Variants in CYP2C19 observed in about 807,000 individuals in gnomAD.
The protein encoded by CYP2C19 is cytochrome P450 family 2 subfamily C member 19.
In CYP2C19, 59 loss-of-function variants were observed where a neutral mutation model predicts 40.9. The ratio of observed to expected loss-of-function variants is 1.44; its 90% CI spans 1.17 to 1.79. The LOEUF (loss-of-function observed/expected upper bound fraction) is 1.79. CYP2C19 is among the 40% of genes most tolerant of loss of function. CYP2C19 has a pLI of 0.00. For missense variants in CYP2C19, 754 were observed against 596.9 expected (o/e 1.26, Z -2.74); for synonymous variants, 253 against 208.7 (o/e 1.21, Z -1.83).
chr10:94,843,103 T>G (rs1849521241), intron 7 of CYP2C19, 79 bp downstream of exon 7: 1 of 1,546,100 alleles, frequency 6.5e-7, no homozygotes. Context: ...CCCTCTACCA[T>G]CACTGGGTGA....
At chr10:94,799,416 C>G (rs1848734106) in intron 5 of CYP2C19, among the ~76,000 whole-genome samples, 1 of 152,166 alleles carries the variant, frequency 6.6e-6, no homozygotes, top group Admixed American at 6.5e-5. Flanking sequence ...CCTGAGATTT[C>G]TCTCTGCTGC....
chr10:94,810,766 A>T, intron 5 of CYP2C19, among the ~76,000 whole-genome samples: 1 of 151,546 alleles, frequency 6.6e-6, no homozygotes, highest in East Asian at 1.9e-4. Context: ...TCTCTATTTG[A>T]TTCTTCTTTC....
At chr10:94,829,687 G>T (rs373878033) in intron 6 of CYP2C19, among the ~76,000 whole-genome samples, 4 of 151,952 alleles carry the variant, frequency 2.6e-5, no homozygotes, top group African/African-American at 9.7e-5. Flanking sequence ...GCTTTGTTCC[G>T]TTGCTGGTGA....
chr10:94,763,073 T>G (rs970474037), intron 1 of CYP2C19, among the ~76,000 whole-genome samples, 200 bp downstream of exon 1: 1 of 152,176 alleles, frequency 6.6e-6, no homozygotes, highest in African/African-American at 2.4e-5. Context: ...AGAGAAAGAT[T>G]TAGGTCTTTG....
intron 5 of CYP2C19, among the ~76,000 whole-genome samples, chr10:94,803,296 G>A (rs1427080656): frequency 1.6e-4 from 25 of 152,048 alleles, no homozygotes; most frequent in Admixed American, 1.6e-3. Context: ...TATAAAGTAT[G>A]TTGGGTAGGG....
At chr10:94,808,153 C>A (rs769330089) in intron 5 of CYP2C19, among the ~76,000 whole-genome samples, 25 of 152,086 alleles carry the variant, frequency 1.6e-4, no homozygotes, top group Non-Finnish European at 3.1e-4. Flanking sequence ...GTTCTTGGTG[C>A]CTTGTCAATA....
rs1456071308 is a variant in CYP2C19, at chr10:94,854,312, C to G, written c.*1398C>G. Among the ~76,000 whole-genome samples, 1 of 152,152 alleles carries G rather than the reference C, an allele frequency of 6.6e-6. No individual in the cohort carries two copies. The highest frequency in any genetic ancestry group is 1.5e-5 in the Non-Finnish European group (1 of 68,038). On this transcript the variant is annotated 3_prime_UTR_variant, in exon 9 of 9. Coordinates refer to ENST00000371321, the MANE Select transcript of CYP2C19 (RefSeq NM_000769.4). ...GGGCTTACAGGCGTGAGCCACTGCA[C>G]CTGGCTGAACAAAATTTCTAAGAAG...
At chr10:94,813,165 C>T (rs1444177058) in intron 5 of CYP2C19, among the ~76,000 whole-genome samples, 2 of 152,066 alleles carry the variant, frequency 1.3e-5, no homozygotes, top group Non-Finnish European at 2.9e-5. Context: ...AGGTCCACTC[C>T]AAACCTTGTT....
chr10:94,850,685 A>C (rs1280421690), intron 8 of CYP2C19, among the ~76,000 whole-genome samples: 1 of 152,214 alleles, frequency 6.6e-6, no homozygotes. Context: ...TTTAAGCTAC[A>C]TCAAAGGAGT....
chr10:94,764,631 T>C (rs977650750), intron 1 of CYP2C19, among the ~76,000 whole-genome samples: 1 of 152,064 alleles, frequency 6.6e-6, no homozygotes, highest in African/African-American at 2.4e-5. Flanking sequence ...GCAGTTGTAG[T>C]GTCCTCCGGA....
At chr10:94,771,506 G>A (rs1848330355) in intron 1 of CYP2C19, among the ~76,000 whole-genome samples, 1 of 152,048 alleles carries the variant, frequency 6.6e-6, no homozygotes, top group Admixed American at 6.5e-5. Flanking sequence ...CCCTCAGTTG[G>A]CCATTTTTCC....
At position 94,762,775 on chromosome 10, in the gene CYP2C19, T is replaced by C; in HGVS notation, c.70T>C (p.Ser24Pro). 6.2e-7 allele frequency: 1 copy of C among 1,613,950 alleles called. No individual in the cohort carries two copies. Among genetic ancestry groups the C allele is most frequent in the African/African-American group, 1.3e-5 (1 of 75,032 alleles). Residue 24 changes from serine to proline, a missense_variant, in exon 1 of 9, where the codon TCT becomes CCT. Transcript: ENST00000371321. ...TCTCCTTTCAATCTGGAGACAGAGC[T>C]CTGGGAGAGGAAAACTCCCTCCTGG... is the stretch of plus-strand genomic sequence containing the variant. ...LLLLSIWRQS[S>P]GRGKLPPGPT...
At chr10:94,798,892 G>A (rs1848726728) in intron 5 of CYP2C19, among the ~76,000 whole-genome samples, 1 of 100,302 alleles carries the variant, frequency 1.0e-5, no homozygotes, top group Non-Finnish European at 1.9e-5. Flanking sequence ...GAGCCTATTT[G>A]TGTCTCTGCA....
intron 5 of CYP2C19, among the ~76,000 whole-genome samples, chr10:94,804,275 C>T (rs565970080): frequency 8.5e-5 from 13 of 152,288 alleles, no homozygotes; most frequent in African/African-American, 2.9e-4. Flanking sequence ...TAGCAGCTCT[C>T]CTTCCATCCC....
chr10:94,812,129 T>G (rs1019507881), intron 5 of CYP2C19, among the ~76,000 whole-genome samples: 3 of 152,200 alleles, frequency 2.0e-5, no homozygotes, highest in African/African-American at 7.2e-5. Flanking sequence ...CTCCTTTGCC[T>G]ATGAAGCTTA....
chr10:94,796,101 A>G (rs1291204010), intron 5 of CYP2C19, among the ~76,000 whole-genome samples: 1 of 152,094 alleles, frequency 6.6e-6, no homozygotes, highest in Non-Finnish European at 1.5e-5. Flanking sequence ...GGTATTGCCT[A>G]GGTTTTCTTC....
chr10:94,771,437 A>T (rs1419638617), intron 1 of CYP2C19, among the ~76,000 whole-genome samples: 2 of 152,140 alleles, frequency 1.3e-5, no homozygotes, highest in Non-Finnish European at 2.9e-5. Context: ...ATTTCACTCC[A>T]TTTGGCTTTC....
rs756681183 is a variant in CYP2C19 at position 94,781,940 on chromosome 10, G to T, written c.762G>T (p.Ser254=). ...ILEKVKEHQE[S]MDINNPRDFI... ...AGAAAGTAAAAGAACACCAAGAATCGATGGACATCAACAACCCTCGGGACT... is the reference window on the plus strand; with the variant it reads ...AGAAAGTAAAAGAACACCAAGAATCTATGGACATCAACAACCCTCGGGACT... The change falls in exon 5 of 9, where the codon TCG becomes TCT. Residue 254 remains serine, a synonymous_variant. Coordinates refer to ENST00000371321, the MANE Select transcript of CYP2C19 (RefSeq NM_000769.4). 9 of 1,512,302 alleles carry T rather than the reference G, an allele frequency of 6.0e-6. No homozygotes were observed. Among genetic ancestry groups the T allele is most frequent in the Non-Finnish European group, 7.9e-6 (9 of 1,141,588 alleles). The allele number at this position is 1,512,302 out of a possible 1,614,324, so 93.7% of individuals were successfully genotyped here.
intron 5 of CYP2C19, among the ~76,000 whole-genome samples, chr10:94,790,270 A>G (rs1429776948): frequency 6.6e-6 from 1 of 152,152 alleles, no homozygotes; most frequent in African/African-American, 2.4e-5. Flanking sequence ...TTTCCTAAAT[A>G]TAAAATCATG....
Sources: allele counts gnomAD v4.1 joint callset (sites outside exome capture counted in the v4.1 genomes callset), GRCh38; gene constraint gnomAD v4.1.1; transcripts MANE v1.5; gene names NCBI Gene and HGNC (gene_info 2026-07-23, HGNC 2026-07-21).